Variants in TRERF1 observed in about 807,000 individuals in gnomAD.
TRERF1 encodes transcriptional regulating factor 1.
In TRERF1, 27 loss-of-function variants were observed where a neutral mutation model predicts 122.9. The observed-to-expected ratio is 0.22, with a 90% CI of 0.16 to 0.30. TRERF1 has a LOEUF of 0.30. TRERF1 is among the 10% of genes least tolerant of loss of function. TRERF1 has a pLI of 1.00. For missense variants in TRERF1, 1,248 were observed against 1,560.3 expected, an observed-to-expected ratio of 0.80 and a Z score of 3.37; for synonymous variants, 636 against 641.7, an observed-to-expected ratio of 0.99 and a Z score of 0.13.
intron 2 of TRERF1, among the ~76,000 whole-genome samples, chr6:42,370,876 A>G (rs1360718154): frequency 2.0e-5 from 3 of 152,030 alleles, no homozygotes; most frequent in South Asian, 2.1e-4. Context: ...AGGATCCACT[A>G]TCCTCTCCTG....
intron 4 of TRERF1, among the ~76,000 whole-genome samples, chr6:42,278,804 T>C (rs1781757581): frequency 6.6e-6 from 1 of 152,132 alleles, no homozygotes; most frequent in Non-Finnish European, 1.5e-5. Context: ...GCTAAGAGAA[T>C]TTCAGAATCA....
chr6:42,238,732 T>C (rs963084915), intron 15 of TRERF1, among the ~76,000 whole-genome samples: 1 of 151,880 alleles, frequency 6.6e-6, no homozygotes, highest in Non-Finnish European at 1.5e-5. Flanking sequence ...AGAATACAAA[T>C]GCTCAACAAC....
chr6:42,255,929 G>A (rs868353846), intron 12 of TRERF1, among the ~76,000 whole-genome samples: 2 of 152,044 alleles, frequency 1.3e-5, no homozygotes, highest in East Asian at 1.9e-4. Flanking sequence ...TCAGGAGTTC[G>A]AGACCAGCCT....
rs956621290 is a variant in TRERF1 at position 42,231,746 on chromosome 6, A to G, written c.3278+935T>C. 9.2e-5 allele frequency among the ~76,000 whole-genome samples: 14 copies of G among 152,304 alleles called. 1 individual carries two copies. The East Asian group carries it at 1.2e-3, about 13-fold the overall frequency. On this transcript the variant is annotated intron_variant, in intron 17 of 17. Coordinates refer to ENST00000372922, the Ensembl canonical transcript of TRERF1. ...GAGGGAATCACCCATCTTACCATCA[A>G]TGGCATTTTCTACCTAAAGCAAAAA...
intron 2 of TRERF1, among the ~76,000 whole-genome samples, chr6:42,417,731 A>G (rs1158028372): frequency 6.6e-6 from 1 of 152,226 alleles, no homozygotes; most frequent in Non-Finnish European, 1.5e-5. Context: ...TTTGGACATG[A>G]CACAGCAGAC....
chr6:42,414,952 A>C (rs1781623386), intron 2 of TRERF1, among the ~76,000 whole-genome samples: 1 of 152,238 alleles, frequency 6.6e-6, no homozygotes, highest in South Asian at 2.1e-4. Flanking sequence ...AGAGATGGGC[A>C]TTCATAATTT....
chr6:42,391,635 C>T (rs1490676383), intron 2 of TRERF1, among the ~76,000 whole-genome samples: 1 of 152,096 alleles, frequency 6.6e-6, no homozygotes, highest in Non-Finnish European at 1.5e-5. Flanking sequence ...AGCTGCTGGT[C>T]CTGTGGGCCT....
chr6:42,342,127 C>A (rs545111860), intron 3 of TRERF1, among the ~76,000 whole-genome samples: 9 of 152,366 alleles, frequency 5.9e-5, no homozygotes, highest in Admixed American at 2.6e-4. Context: ...GAGGCCCATG[C>A]CAGTGCTCTG....
intron 15 of TRERF1, among the ~76,000 whole-genome samples, chr6:42,239,118 C>G (rs1379081993): frequency 6.6e-6 from 1 of 152,114 alleles, no homozygotes; most frequent in African/African-American, 2.4e-5. Flanking sequence ...ATTACTGGAA[C>G]CAGCTGCTTT....
intron 2 of TRERF1, among the ~76,000 whole-genome samples, chr6:42,390,422 T>G (rs187810680): frequency 1.3e-5 from 2 of 152,176 alleles, no homozygotes; most frequent in African/African-American, 4.8e-5. Flanking sequence ...ACCCAACCAT[T>G]TGAGAGAGCT....
At position 42,323,204 on chromosome 6, in the gene TRERF1, T is replaced by C. The variant is rs569776538; in HGVS notation, c.-370-22455A>G. 1.1e-4 allele frequency among the ~76,000 whole-genome samples: 17 copies of C among 151,642 alleles called. No individual in the cohort carries two copies. In the East Asian group the frequency reaches 3.3e-3, roughly 29 times the overall value. On this transcript the variant is annotated intron_variant, in intron 3 of 17. Coordinates refer to ENST00000372922, the Ensembl canonical transcript of TRERF1. ...TGCAACTTTCCCCCAGTTTTTTTTT[T>C]TTTTTTCCTTTTGAGATGGAGTCTC... is the stretch of plus-strand genomic sequence containing the variant.
intron 2 of TRERF1, among the ~76,000 whole-genome samples, chr6:42,423,231 G>C (rs1054354136): frequency 2.0e-5 from 3 of 152,150 alleles, no homozygotes; most frequent in Non-Finnish European, 2.9e-5. Context: ...AACTCTACTC[G>C]AAAAGCTGGT....
chr6:42,294,488 G>A (rs1784785815), intron 4 of TRERF1, among the ~76,000 whole-genome samples: 1 of 151,842 alleles, frequency 6.6e-6, no homozygotes, highest in African/African-American at 2.4e-5. Flanking sequence ...CCTTAATGTT[G>A]CAATTAAAAA....
intron 2 of TRERF1, among the ~76,000 whole-genome samples, chr6:42,435,372 C>T (rs1049353121): frequency 6.6e-5 from 10 of 151,792 alleles, no homozygotes; most frequent in Admixed American, 5.3e-4. Context: ...TATACAGAGC[C>T]GAGTGCATCT....
intron 3 of TRERF1, among the ~76,000 whole-genome samples, chr6:42,352,943 A>C (rs1262476182): frequency 6.6e-6 from 1 of 152,220 alleles, no homozygotes; most frequent in African/African-American, 2.4e-5. Context: ...ACACTGAAAA[A>C]AGGAGTTTAA....
chr6:42,419,289 C>T (rs1444386612), intron 2 of TRERF1, among the ~76,000 whole-genome samples: 1 of 136,066 alleles, frequency 7.3e-6, no homozygotes, highest in South Asian at 2.9e-4. Context: ...TGAGTCCCCT[C>T]TCCTCACTCA....
intron 13 of TRERF1, among the ~76,000 whole-genome samples, chr6:42,253,658 C>T (rs188451160): frequency 1.0e-3 from 156 of 152,270 alleles, no homozygotes; most frequent in Non-Finnish European, 1.9e-3. Flanking sequence ...GAGTGACCTA[C>T]AGGCAGACAT....
chr6:42,302,430 G>A (rs1321383408), intron 3 of TRERF1, among the ~76,000 whole-genome samples: 2 of 152,176 alleles, frequency 1.3e-5, no homozygotes, highest in Non-Finnish European at 2.9e-5. Flanking sequence ...AGCTTTAGAA[G>A]AAGATAACTC....
At chr6:42,395,483 T>C (rs7744179) in intron 2 of TRERF1, among the ~76,000 whole-genome samples, 13,419 of 152,130 alleles carry the variant, frequency 0.088, 897 homozygotes, top group African/African-American at 0.18. Flanking sequence ...TGGCCACCCT[T>C]TGGTCCCATT....
Sources: gnomAD v4.1 joint callset for allele counts (sites outside exome capture counted in the v4.1 genomes callset) on GRCh38, gnomAD v4.1.1 for gene constraint, MANE v1.5 for transcripts, NCBI Gene and HGNC (gene_info 2026-07-23, HGNC 2026-07-21) for gene names.